NSMCE2: variants seen among roughly 807,000 people sequenced by gnomAD.
NSMCE2 encodes the protein NSE2 SUMO ligase component of SMC5/6 complex.
In NSMCE2, 24 loss-of-function variants were observed where a neutral mutation model predicts 23.8. The ratio of observed to expected loss-of-function variants is 1.01; its 90% CI spans 0.73 to 1.42. The LOEUF is 1.42. NSMCE2 is among the 40% of genes most tolerant of loss of function. The probability of loss-of-function intolerance (pLI) is 0.00; values close to 1 mark genes in which losing one functional copy is unlikely to be tolerated. For missense variants in NSMCE2, 284 were observed against 296.5 expected (o/e 0.96, Z 0.31); for synonymous variants, 92 against 94.1 (o/e 0.98, Z 0.13).
chr8:125,145,172 T>C (rs918164146), intron 3 of NSMCE2, among the ~76,000 whole-genome samples: 1 of 152,174 alleles, frequency 6.6e-6, no homozygotes, highest in Non-Finnish European at 1.5e-5. Flanking sequence ...AAACCATCTT[T>C]AAAGGATGGA....
chr8:125,349,798 T>G (rs1198196687), intron 5 of NSMCE2, among the ~76,000 whole-genome samples: 3 of 152,200 alleles, frequency 2.0e-5, no homozygotes, highest in Non-Finnish European at 4.4e-5. Flanking sequence ...GATTCTCCTT[T>G]GTAATTACCA....
At chr8:125,167,335 A>AAT (rs964680239) in intron 4 of NSMCE2, among the ~76,000 whole-genome samples, 1 of 152,180 alleles carries the variant, frequency 6.6e-6, no homozygotes, top group African/African-American at 2.4e-5. Context: ...AAGGGAACAT[A>AAT]ATATAGGCTT....
intron 5 of NSMCE2, among the ~76,000 whole-genome samples, chr8:125,283,187 A>C (rs1055025833): frequency 6.6e-5 from 10 of 152,198 alleles, no homozygotes; most frequent in Non-Finnish European, 1.5e-4. Context: ...ATATATAGTA[A>C]ATGCAAAGTA....
intron 3 of NSMCE2, among the ~76,000 whole-genome samples, chr8:125,117,630 T>C (rs1490921825): frequency 6.6e-6 from 1 of 152,114 alleles, no homozygotes. Flanking sequence ...TTCTCCCAAC[T>C]CAGCCTCCCA....
intron 3 of NSMCE2, among the ~76,000 whole-genome samples, chr8:125,139,549 T>C (rs113188817): frequency 0.019 from 2,838 of 152,240 alleles, 87 homozygotes; most frequent in African/African-American, 0.065. Context: ...AGCAGAGTCA[T>C]GTCTTGCATG....
intron 3 of NSMCE2, among the ~76,000 whole-genome samples, chr8:125,110,146 C>T (rs1300850460): frequency 6.6e-6 from 1 of 152,070 alleles, no homozygotes; most frequent in Non-Finnish European, 1.5e-5. Context: ...TTGTAGTTTT[C>T]AAAGATGTGT....
At position 125,190,233 on chromosome 8, in the gene NSMCE2, C is replaced by T. The variant is rs987659760; in HGVS notation, c.418+7977C>T. The stretch of plus-strand genomic sequence containing the variant: ...TGACTCTTTTCTGTGTGTCTCTTTC[C>T]TCCCTGTTGCTTTCTTTGTGTCTCC... On this transcript the variant is annotated intron_variant, in intron 5 of 7. Transcript: ENST00000287437. Among the ~76,000 whole-genome samples, 5 of 152,260 alleles carry T rather than the reference C, an allele frequency of 3.3e-5. No homozygotes were observed. In the East Asian group the frequency reaches 9.6e-4, roughly 29 times the overall value.
At chr8:125,318,802 T>G (rs931792664) in intron 5 of NSMCE2, among the ~76,000 whole-genome samples, 108 of 152,268 alleles carry the variant, frequency 7.1e-4, no homozygotes, top group Admixed American at 3.4e-3. Context: ...AGCTTACTAT[T>G]GAGAGAGTTT....
chr8:125,140,762 G>A (rs1237894034), intron 3 of NSMCE2, among the ~76,000 whole-genome samples: 1 of 152,114 alleles, frequency 6.6e-6, no homozygotes, highest in African/African-American at 2.4e-5. Flanking sequence ...TAAGCCTCTT[G>A]GGTTTCCAAG....
At chr8:125,330,510 T>A (rs1302003500) in intron 5 of NSMCE2, among the ~76,000 whole-genome samples, 1 of 151,860 alleles carries the variant, frequency 6.6e-6, no homozygotes, top group Non-Finnish European at 1.5e-5. Flanking sequence ...CATGAAGAAG[T>A]GTGGAAATCT....
chr8:125,183,194 C>T lies in NSMCE2; in HGVS notation c.418+938C>T, dbSNP rs373742362. ...CTTATATGTGCTTAATGTAGGGATT[C>T]GTATTTTGAAATAGGCTTTCTTTTA... is the stretch of plus-strand genomic sequence containing the variant. On this transcript the variant is annotated intron_variant, in intron 5 of 7. Coordinates refer to ENST00000287437, the MANE Select transcript of NSMCE2 (RefSeq NM_173685.4). Among the ~76,000 whole-genome samples the T allele has an allele frequency of 9.9e-4, 151 of 152,210 alleles. 3 individuals are homozygous for T. The South Asian group carries it at 0.012, about 12-fold the overall frequency.
chr8:125,219,048 G>A (rs1824728853), intron 5 of NSMCE2, among the ~76,000 whole-genome samples: 1 of 152,158 alleles, frequency 6.6e-6, no homozygotes, highest in African/African-American at 2.4e-5. Flanking sequence ...GTGAGTGCTT[G>A]TGATTCTTAA....
intron 5 of NSMCE2, among the ~76,000 whole-genome samples, chr8:125,291,275 C>T (rs1338849978): frequency 6.6e-6 from 1 of 152,130 alleles, no homozygotes; most frequent in Non-Finnish European, 1.5e-5. Context: ...TTGTTCCATT[C>T]ATCATTTTAA....
At chr8:125,105,372 A>G (rs1162254967) in intron 3 of NSMCE2, among the ~76,000 whole-genome samples, 1 of 152,184 alleles carries the variant, frequency 6.6e-6, no homozygotes, top group Admixed American at 6.5e-5. Flanking sequence ...CTTAAACCAT[A>G]AGAGAGAAGA....
chr8:125,097,227 C>G (rs957188961), intron 1 of NSMCE2, among the ~76,000 whole-genome samples: 1 of 152,114 alleles, frequency 6.6e-6, no homozygotes, highest in Non-Finnish European at 1.5e-5. Context: ...TGTTTCATCA[C>G]CCAGATTTTA....
Position 125,352,998 on chromosome 8 carries a change from A to C in NSMCE2, c.419-4221A>C, listed in dbSNP as rs73338858. Among the ~76,000 whole-genome samples, 930 of 152,142 alleles carry C rather than the reference A, an allele frequency of 6.1e-3. 7 individuals carry two copies. The highest frequency in any genetic ancestry group is 0.022 in the African/African-American group (904 of 41,490). ...CCAGTCTCACTTTTGTTACCTTTTT[A>C]TTTCGTGATCACTGATGCTGGTAGC... On this transcript the variant is annotated intron_variant, in intron 5 of 7. Coordinates refer to ENST00000287437, the MANE Select transcript of NSMCE2 (RefSeq NM_173685.4).
intron 5 of NSMCE2, among the ~76,000 whole-genome samples, chr8:125,200,066 T>C (rs1022725803): frequency 1.3e-5 from 2 of 152,200 alleles, no homozygotes; most frequent in African/African-American, 4.8e-5. Flanking sequence ...CCTATGTGTG[T>C]CTCTGCACAT....
chr8:125,336,988 C>G (rs1273993804), intron 5 of NSMCE2, among the ~76,000 whole-genome samples: 1 of 152,246 alleles, frequency 6.6e-6, no homozygotes, highest in Non-Finnish European at 1.5e-5. Flanking sequence ...ATCCCAACAT[C>G]TGATCCTCTT....
intron 5 of NSMCE2, among the ~76,000 whole-genome samples, chr8:125,245,305 A>G (rs1825912576): frequency 6.6e-6 from 1 of 152,136 alleles, no homozygotes; most frequent in East Asian, 1.9e-4. Context: ...AATAAAGGTA[A>G]GCATTGAAAT....
Sources: allele counts gnomAD v4.1 joint callset (sites outside exome capture counted in the v4.1 genomes callset), GRCh38; gene constraint gnomAD v4.1.1; transcripts MANE v1.5; gene names NCBI Gene and HGNC (gene_info 2026-07-23, HGNC 2026-07-21).